The following MINK1 variants were observed in gnomAD, a reference collection of about 807,000 sequenced individuals.
The protein encoded by MINK1 is misshapen like kinase 1.
Under a neutral mutation model 178.4 loss-of-function variants are expected in MINK1, and 46 were observed. The ratio of observed to expected loss-of-function variants is 0.26; its 90% confidence interval spans 0.20 to 0.33. The LOEUF (loss-of-function observed/expected upper bound fraction) is 0.33. MINK1 is among the 10% of genes least tolerant of loss of function. The probability of loss-of-function intolerance (pLI) is 1.00; values close to 1 mark genes in which losing one functional copy is unlikely to be tolerated. For synonymous variants in MINK1, 797 were observed against 709.7 expected, an observed-to-expected ratio of 1.12 and a Z score of -1.96; for missense variants, 1,366 against 1,814.9, an observed-to-expected ratio of 0.75 and a Z score of 4.49.
chr17:4,851,146 A>G (rs1272589823), intron 1 of MINK1: 1 of 389,428 alleles, frequency 2.6e-6, no homozygotes, highest in Non-Finnish European at 5.3e-6. Flanking sequence ...TTGGTAAATC[A>G]CTTTTTGCCA....
chr17:4,863,377 T>C (rs957609637), intron 1 of MINK1, among the ~76,000 whole-genome samples: 2 of 152,198 alleles, frequency 1.3e-5, no homozygotes, highest in Non-Finnish European at 2.9e-5. Flanking sequence ...CTCCATGCAC[T>C]CTTTGGCATC....
In MINK1 at chr17:4,837,333, G is replaced by A. The variant is rs572208809; in HGVS notation, c.57+3693G>A. Reference sequence around the variant, plus strand: ...GTTGCAGAAGTGCCTCTTACAACACGTGCCACTTACAACACAGTGCAGTGC... The same window carrying A: ...GTTGCAGAAGTGCCTCTTACAACACATGCCACTTACAACACAGTGCAGTGC... On this transcript the variant is annotated intron_variant, in intron 1 of 31. Transcript: ENST00000355280. Among the ~76,000 whole-genome samples the A allele has an allele frequency of 7.5e-4, 114 of 152,306 alleles. 4 individuals are homozygous for A. In the South Asian group the frequency reaches 0.022, roughly 29 times the overall value.
At position 4,896,734 on chromosome 17, in the gene MINK1, T is replaced by G. The variant is rs754371155; in HGVS notation, c.3836T>G (p.Val1279Gly). ...WGEKAIEIRSVETGHLDGVFM... is the reference protein window; with the variant it reads ...WGEKAIEIRSGETGHLDGVFM... ...GAGAAAGCCATTGAGATCCGCTCTGTGGAGACGGGCCACCTCGACGGGGTC... is the reference window on the plus strand; with the variant it reads ...GAGAAAGCCATTGAGATCCGCTCTGGGGAGACGGGCCACCTCGACGGGGTC... Residue 1279 changes from valine to glycine, a missense_variant, in exon 31 of 32, where the codon GTG becomes GGG. Around this residue, in one of 14 missense-constraint regions of MINK1, gnomAD observed 201 missense variants for 240.7 expected, o/e 0.84. Transcript: ENST00000355280. This position sits in a 1 kb window ranked among gnomAD's most constrained non-coding sequence, Gnocchi z 4.6. 3.7e-6 allele frequency: 6 copies of G among 1,604,448 alleles called. No individual in the cohort carries two copies. In the Admixed American group the frequency reaches 1.0e-4, roughly 27 times the overall value.
In MINK1 at chr17:4,894,129, T is replaced by C; in HGVS notation, c.2670+36T>C. The C allele has an allele frequency of 6.2e-7, 1 of 1,609,610 alleles. No individual in the cohort carries two copies. Among genetic ancestry groups the C allele is most frequent in the South Asian group, 1.1e-5 (1 of 90,762 alleles). ...CTCTGCTCCCTCCCCTGTACCTGTG[T>C]GTGCCCTCCTCAGCCCCACGCCAAC... On this transcript the variant is annotated intron_variant, in intron 22 of 31. Transcript: ENST00000355280. This position sits in a 1 kb window ranked among gnomAD's most constrained non-coding sequence, Gnocchi z 4.1.
chr17:4,844,756 C>G (rs1468778549), intron 1 of MINK1, among the ~76,000 whole-genome samples: 1 of 152,082 alleles, frequency 6.6e-6, no homozygotes, highest in East Asian at 1.9e-4. Flanking sequence ...GAAAGATAGT[C>G]GAATAATTCA....
chr17:4,874,877 GA>G (rs1332255862), intron 1 of MINK1, among the ~76,000 whole-genome samples: 3 of 152,146 alleles, frequency 2.0e-5, no homozygotes, highest in African/African-American at 7.2e-5. Flanking sequence ...GTGCCGCCCA[GA>G]CACGAGAAGG....
Position 4,892,960 on chromosome 17 carries a change from C to T in MINK1, c.2312-19C>T, listed in dbSNP as rs767751826. 6 of 1,547,434 alleles carry T rather than the reference C, an allele frequency of 3.9e-6. No homozygotes were observed. In the African/African-American group the frequency reaches 6.9e-5, roughly 18 times the overall value. On this transcript the variant is annotated intron_variant, in intron 19 of 31. Transcript: ENST00000355280. Reference sequence around the variant, plus strand: ...CCCTTGTTCAGGCATCAGTGACCTTCTTCCACCCTGCCGTCCAGTCTCCTC... The same window carrying T: ...CCCTTGTTCAGGCATCAGTGACCTTTTTCCACCCTGCCGTCCAGTCTCCTC...
At chr17:4,893,916 G>A in intron 21 of MINK1, 72 bp from the exon 22 acceptor site, 1 of 1,265,814 alleles carries the variant, frequency 7.9e-7, no homozygotes, top group Non-Finnish European at 1.1e-6. Context: ...GGCTCTGGCT[G>A]CCATCTGCTG....
Position 4,886,586 on chromosome 17 carries a change from G to A in MINK1, c.909G>A (p.Lys303=), listed in dbSNP as rs1168947615. ...PTERQVRIQL[K]DHIDRSRKKR... is the part of the protein sequence containing the mutation. ...AGCGGCAGGTCCGCATCCAGCTTAA[G>A]GACCACATTGACCGATCCCGGAAGA... Residue 303 remains lysine, a synonymous_variant, in exon 10 of 32, where the codon AAG becomes AAA. Coordinates refer to ENST00000355280, the MANE Select transcript of MINK1 (RefSeq NM_153827.5). This position sits in a 1 kb window ranked among gnomAD's most constrained non-coding sequence, Gnocchi z 6.1. 2 of 1,610,094 alleles carry A rather than the reference G, an allele frequency of 1.2e-6. No individual in the cohort carries two copies. Among genetic ancestry groups the A allele is most frequent in the Non-Finnish European group, 1.7e-6 (2 of 1,178,338 alleles).
rs1286791860 is a variant in MINK1, at chr17:4,886,682, C to T, written c.949+56C>T. On this transcript the variant is annotated intron_variant, in intron 10 of 31. Transcript: ENST00000355280. The surrounding 1 kb of genome is among the most constrained non-coding windows in gnomAD (Gnocchi z 6.1). ...TAGGGGACACTCCAGCCTGGCTCCTCTCTGCCAGCCCTGCTCGCTCCTGGC... is the reference window on the plus strand; with the variant it reads ...TAGGGGACACTCCAGCCTGGCTCCTTTCTGCCAGCCCTGCTCGCTCCTGGC... The T allele has an allele frequency of 1.4e-6, 2 of 1,479,966 alleles. No individual in the cohort carries two copies. Among genetic ancestry groups the T allele is most frequent in the Non-Finnish European group, 1.8e-6 (2 of 1,113,590 alleles). The allele number at this position is 1,479,966 out of a possible 1,614,324, so 91.7% of individuals were successfully genotyped here. A position where few individuals can be genotyped will look rare whatever the true frequency, so the allele number is the denominator to read the frequency against.
At position 4,886,331 on chromosome 17, in the gene MINK1, G is replaced by A. The variant is rs1051389603; in HGVS notation, c.774-120G>A. ...TGGGGGGCAGAGGGCGGTGACTGGT[G>A]TTGGGATATGAAGACAGGAGGGACG... On this transcript the variant is annotated intron_variant, in intron 9 of 31. Coordinates refer to ENST00000355280, the MANE Select transcript of MINK1 (RefSeq NM_153827.5). This position sits in a 1 kb window ranked among gnomAD's most constrained non-coding sequence, Gnocchi z 6.1. 4.7e-6 allele frequency: 7 copies of A among 1,495,342 alleles called. No homozygotes were observed. The highest frequency in any genetic ancestry group is 6.5e-6 in the Non-Finnish European group (7 of 1,078,602). 92.6% of individuals were successfully genotyped at this position (1,495,342 alleles called of 1,614,324 possible). A position where few individuals can be genotyped will look rare whatever the true frequency, so the allele number is the denominator to read the frequency against.
At position 4,885,060 on chromosome 17, in the gene MINK1, G is replaced by C. The variant is rs1467934467; in HGVS notation, c.508+58G>C. ...CTTTCACCTCCAGAACAGAGAATGA[G>C]GGGCCCCTTTTTCTCTCTGGTGGCT... On this transcript the variant is annotated intron_variant, in intron 6 of 31. Coordinates refer to ENST00000355280, the MANE Select transcript of MINK1 (RefSeq NM_153827.5). This position sits in a 1 kb window ranked among gnomAD's most constrained non-coding sequence, Gnocchi z 5.0. 1.0e-5 allele frequency: 16 copies of C among 1,561,526 alleles called. No homozygotes were observed. In the East Asian group the frequency reaches 2.9e-4, roughly 29 times the overall value.
At position 4,896,121 on chromosome 17, in the gene MINK1, C is replaced by A. The variant is rs199690966; in HGVS notation, c.3465+18C>A. 61 of 1,606,190 alleles carry A rather than the reference C, an allele frequency of 3.8e-5. No homozygotes were observed. The East Asian group carries it at 1.4e-3, about 36-fold the overall frequency. ...CCTTCAAGGTAATCCCAGCCTCGGT[C>A]CCTAACACCATCTGGAGTCCCAGCG... On this transcript the variant is annotated intron_variant, in intron 28 of 31. Transcript: ENST00000355280. This position sits in a 1 kb window ranked among gnomAD's most constrained non-coding sequence, Gnocchi z 4.6.
chr17:4,874,524 T>G (rs1469526562), intron 1 of MINK1, among the ~76,000 whole-genome samples: 1 of 151,914 alleles, frequency 6.6e-6, no homozygotes, highest in Non-Finnish European at 1.5e-5. Context: ...GAGGCTAGAG[T>G]TCCAGGAGGG....
intron 1 of MINK1, among the ~76,000 whole-genome samples, chr17:4,839,445 T>C (rs1398787257): frequency 6.6e-6 from 1 of 152,194 alleles, no homozygotes; most frequent in Non-Finnish European, 1.5e-5. Flanking sequence ...CTTTCCTGGA[T>C]TGAAGACAGA....
chr17:4,841,036 C>G (rs2150746288), intron 1 of MINK1, among the ~76,000 whole-genome samples: 1 of 152,200 alleles, frequency 6.6e-6, no homozygotes, highest in South Asian at 2.1e-4. Flanking sequence ...AGACCTTTGA[C>G]AGAGGAGATA....
intron 1 of MINK1, among the ~76,000 whole-genome samples, chr17:4,869,769 A>T (rs1472793484): frequency 4.2e-5 from 6 of 144,448 alleles, no homozygotes; most frequent in Non-Finnish European, 6.1e-5. Context: ...TTGTCTTTTT[A>T]AAATTATTTT....
chr17:4,887,917 A>C lies in MINK1; in HGVS notation c.1230+127A>C. ...ATGGCATTTCTGTTGAAACAATTAT[A>C]TGATTTCAAATTTCATGATGAGCTG... On this transcript the variant is annotated intron_variant, in intron 12 of 31. Coordinates refer to ENST00000355280, the MANE Select transcript of MINK1 (RefSeq NM_153827.5). The surrounding 1 kb of genome is among the most constrained non-coding windows in gnomAD (Gnocchi z 7.6). 2.6e-6 allele frequency: 2 copies of C among 765,066 alleles called. No homozygotes were observed. The highest frequency in any genetic ancestry group is 3.9e-6 in the Non-Finnish European group (2 of 515,332). The allele number at this position is 765,066 out of a possible 1,614,324, so 47.4% of individuals were successfully genotyped here.
chr17:4,837,660 G>T (rs973603984), intron 1 of MINK1, among the ~76,000 whole-genome samples: 12 of 152,228 alleles, frequency 7.9e-5, no homozygotes, highest in Non-Finnish European at 1.6e-4. Context: ...GGACAAGGAG[G>T]GGGCAGGCCC....
Sources: allele counts gnomAD v4.1 joint callset (sites outside exome capture counted in the v4.1 genomes callset), GRCh38; gene constraint gnomAD v4.1.1; regional missense constraint gnomAD v4.1.1; non-coding constraint Gnocchi (gnomAD v3.1); transcripts MANE v1.5; gene names NCBI Gene and HGNC (gene_info 2026-07-23, HGNC 2026-07-21).